Variants in RIMS2 observed in about 807,000 individuals in gnomAD.
The protein encoded by RIMS2 is regulating synaptic membrane exocytosis 2, also known as regulating synaptic membrane exocytosis protein 2.
In RIMS2, 59 loss-of-function variants were observed where a neutral mutation model predicts 174.4. That is an observed-to-expected ratio of 0.34 (90% CI 0.27 to 0.42). The LOEUF is 0.42. RIMS2 is among the 10% of genes least tolerant of loss of function. The probability of loss-of-function intolerance (pLI) is 1.00; values close to 1 mark genes in which losing one functional copy is unlikely to be tolerated. For synonymous variants in RIMS2, 606 were observed against 572.5 expected (o/e 1.06, Z -0.84); for missense variants, 1,620 against 1,666.3 (o/e 0.97, Z 0.48).
chr8:103,918,441 A>G, exon 9 of RIMS2: 2 of 1,562,372 alleles, frequency 1.3e-6, no homozygotes, highest in South Asian at 1.2e-5. Context: ...ATCATTTCAG[A>G]GATATACCGC....
At chr8:104,017,752 G>A (rs1184002465) in intron 19 of RIMS2, among the ~76,000 whole-genome samples, 1 of 152,068 alleles carries the variant, frequency 6.6e-6, no homozygotes, top group African/African-American at 2.4e-5. Flanking sequence ...CTTTTCTATA[G>A]CATGTCAGAA....
intron 19 of RIMS2, among the ~76,000 whole-genome samples, chr8:104,060,546 G>A (rs1474710505): frequency 6.6e-6 from 1 of 151,106 alleles, no homozygotes; most frequent in East Asian, 1.9e-4. Context: ...ATTTTTTGAA[G>A]GGTTTTTTGT....
intron 19 of RIMS2, among the ~76,000 whole-genome samples, chr8:104,050,282 T>A (rs1234966218): frequency 1.3e-5 from 2 of 152,170 alleles, no homozygotes; most frequent in African/African-American, 4.8e-5. Flanking sequence ...GCTGGAGACA[T>A]AACAGTGACA....
At chr8:103,565,749 T>C (rs1195571221) in intron 1 of RIMS2, among the ~76,000 whole-genome samples, 1 of 152,210 alleles carries the variant, frequency 6.6e-6, no homozygotes, top group African/African-American at 2.4e-5. Flanking sequence ...GTATCAGTGA[T>C]GCCAGTGGGC....
At chr8:103,709,374 G>T (rs1440125999) in intron 2 of RIMS2, among the ~76,000 whole-genome samples, 1 of 139,512 alleles carries the variant, frequency 7.2e-6, no homozygotes. Context: ...TTTCATGTGT[G>T]GTATCTTAGG....
chr8:104,224,999 G>T (rs2099176634), intron 19 of RIMS2, among the ~76,000 whole-genome samples: 1 of 152,130 alleles, frequency 6.6e-6, no homozygotes, highest in Non-Finnish European at 1.5e-5. Context: ...GTTTTTGTTT[G>T]TACGTTTACG....
intron 3 of RIMS2, among the ~76,000 whole-genome samples, chr8:103,863,308 A>G (rs555351545): frequency 1.3e-5 from 2 of 152,282 alleles, no homozygotes; most frequent in East Asian, 3.9e-4. Context: ...CATCCCAGGA[A>G]TAAAGCCAAC....
exon 4 of RIMS2, chr8:103,886,111 C>T (rs758569920): frequency 1.2e-6 from 2 of 1,612,726 alleles, no homozygotes; most frequent in African/African-American, 2.7e-5. Flanking sequence ...CAAAGAAAGG[C>T]GGTAAAATGC....
intron 1 of RIMS2, among the ~76,000 whole-genome samples, chr8:103,642,158 CTTTAT>C (rs1281725012): frequency 2.0e-5 from 3 of 151,936 alleles, no homozygotes; most frequent in Non-Finnish European, 4.4e-5. Context: ...TCTTCTTTTG[CTTTAT>C]TTTAGCATTT....
chr8:103,606,306 C>T (rs1173786626), intron 1 of RIMS2, among the ~76,000 whole-genome samples: 1 of 150,458 alleles, frequency 6.6e-6, no homozygotes, highest in Admixed American at 6.6e-5. Context: ...TGTAGTTGAG[C>T]AGTTTTGAGT....
chr8:103,915,591 C>T, exon 7 of RIMS2: 1 of 1,537,410 alleles, frequency 6.5e-7, no homozygotes, highest in Non-Finnish European at 9.0e-7. Flanking sequence ...ACATCTTAGA[C>T]CAGGTAGGGT....
chr8:103,608,040 G>A (rs2095204333), intron 1 of RIMS2, among the ~76,000 whole-genome samples: 1 of 148,278 alleles, frequency 6.7e-6, no homozygotes, highest in African/African-American at 2.6e-5. Flanking sequence ...TCCGTTGCTG[G>A]TGAGGAACTG....
intron 2 of RIMS2, among the ~76,000 whole-genome samples, chr8:103,762,139 C>G (rs1176793036): frequency 6.6e-6 from 1 of 150,412 alleles, no homozygotes; most frequent in African/African-American, 2.4e-5. Context: ...TCCTAACATT[C>G]CTAAGAATGT....
chr8:103,738,579 A>G (rs1389763121), intron 2 of RIMS2, among the ~76,000 whole-genome samples: 2 of 152,174 alleles, frequency 1.3e-5, no homozygotes, highest in Non-Finnish European at 2.9e-5. Context: ...AGAAACTACC[A>G]TCAGGGTGAA....
intron 1 of RIMS2, among the ~76,000 whole-genome samples, chr8:103,520,049 G>T (rs1446824593): frequency 6.6e-6 from 1 of 151,992 alleles, no homozygotes; most frequent in Non-Finnish European, 1.5e-5. Flanking sequence ...AAGGGCTTTG[G>T]CATTAGTCAA....
intron 1 of RIMS2, among the ~76,000 whole-genome samples, chr8:103,507,604 T>A (rs1824294870): frequency 6.6e-6 from 1 of 152,046 alleles, no homozygotes; most frequent in Non-Finnish European, 1.5e-5. Context: ...ATGTAATTTT[T>A]AAACATGCCT....
intron 19 of RIMS2, among the ~76,000 whole-genome samples, chr8:104,105,672 ATCC>A (rs1398770652): frequency 6.6e-6 from 1 of 152,060 alleles, no homozygotes; most frequent in Admixed American, 6.6e-5. Flanking sequence ...GGCTCAAGCA[ATCC>A]TCCTACCTCA....
chr8:103,722,694 C>G (rs1199849161), intron 2 of RIMS2, among the ~76,000 whole-genome samples: 1 of 152,306 alleles, frequency 6.6e-6, no homozygotes, highest in East Asian at 1.9e-4. Flanking sequence ...AGGTCATGGA[C>G]TGGTACTCCT....
At chr8:103,958,584 T>G (rs962655699) in intron 14 of RIMS2, among the ~76,000 whole-genome samples, 3 of 152,050 alleles carry the variant, frequency 2.0e-5, no homozygotes, top group Non-Finnish European at 2.9e-5. Flanking sequence ...TAAATGAGCT[T>G]GAAAAAATGC....
Sources: allele counts gnomAD v4.1 joint callset (sites outside exome capture counted in the v4.1 genomes callset), GRCh38; gene constraint gnomAD v4.1.1; transcripts MANE v1.5; gene names NCBI Gene and HGNC (gene_info 2026-07-23, HGNC 2026-07-21).